The following ADGB variants were observed in gnomAD, a reference collection of about 807,000 sequenced individuals.
The protein encoded by ADGB is calpain-7-like protein.
A neutral mutation model predicts 210.5 loss-of-function variants in ADGB; 172 were observed. That is an observed-to-expected ratio of 0.82 (90% confidence interval 0.72 to 0.93). ADGB has a LOEUF of 0.93. Ranked by LOEUF, ADGB falls within the 40% of genes least tolerant of loss-of-function variation. The pLI is 0.00. For missense variants in ADGB, 2,025 were observed against 1,964.8 expected (o/e 1.03, Z -0.58); for synonymous variants, 658 against 662.7 (o/e 0.99, Z 0.11).
At chr6:146,799,498 C>T (rs1257487450) in intron 33 of ADGB, among the ~76,000 whole-genome samples, 9 of 141,790 alleles carry the variant, frequency 6.3e-5, no homozygotes, top group Non-Finnish European at 3.0e-5. Flanking sequence ...CGCGCCACTG[C>T]ACTCCAGTCT....
intron 28 of ADGB, among the ~76,000 whole-genome samples, chr6:146,768,672 C>A (rs1253770705): frequency 1.3e-5 from 2 of 151,922 alleles, no homozygotes; most frequent in African/African-American, 4.8e-5. Context: ...GTCATGATCA[C>A]AAAGAAGAGA....
At chr6:146,652,442 A>G (rs1775715815) in intron 3 of ADGB, among the ~76,000 whole-genome samples, 2 of 152,124 alleles carry the variant, frequency 1.3e-5, no homozygotes, top group African/African-American at 4.8e-5. Context: ...ACTTTTCAAG[A>G]TGCTGCTTGT....
chr6:146,645,399 T>C (rs1349505853), intron 3 of ADGB, among the ~76,000 whole-genome samples: 1 of 152,060 alleles, frequency 6.6e-6, no homozygotes, highest in Non-Finnish European at 1.5e-5. Flanking sequence ...AAATAGCACT[T>C]ATAGAGATTA....
At chr6:146,689,717 T>A (rs1457782822) in intron 10 of ADGB, among the ~76,000 whole-genome samples, 1 of 152,130 alleles carries the variant, frequency 6.6e-6, no homozygotes, top group Non-Finnish European at 1.5e-5. Context: ...AATGTAACTT[T>A]TACAGTAATT....
intron 2 of ADGB, among the ~76,000 whole-genome samples, chr6:146,640,036 A>G (rs1269970587): frequency 6.6e-6 from 1 of 151,930 alleles, no homozygotes; most frequent in Non-Finnish European, 1.5e-5. Flanking sequence ...AAAGAAAAGA[A>G]AGAATATCCA....
At chr6:146,794,796 CTG>C (rs955677727) in intron 33 of ADGB, among the ~76,000 whole-genome samples, 2 of 152,104 alleles carry the variant, frequency 1.3e-5, no homozygotes, top group Non-Finnish European at 2.9e-5. Flanking sequence ...ATTACTAAAA[CTG>C]AGAACCACAA....
Position 146,801,189 on chromosome 6 carries a change from G to A in ADGB, c.4544G>A (p.Gly1515Glu). Residue 1515 changes from glycine to glutamate, a missense_variant, in exon 34 of 36, where the codon GGA (glycine) becomes GAA (glutamate). Coordinates refer to ENST00000397944, the MANE Select transcript of ADGB (RefSeq NM_024694.4). ...GTGTGTGTTTTTTTTAAAGAAACAG[G>A]ACCTCGTACACGATCTCCAACAATT... ...QSTRKENIQT[G>E]PRTRSPTILE... is the part of the protein sequence containing the mutation. 6.8e-7 allele frequency: 1 copy of A among 1,477,300 alleles called. No homozygotes were observed. The highest frequency in any genetic ancestry group is 1.4e-5 in the African/African-American group (1 of 69,304). 91.5% of individuals were successfully genotyped at this position (1,477,300 alleles called of 1,614,324 possible).
intron 1 of ADGB, among the ~76,000 whole-genome samples, chr6:146,617,776 C>T (rs1780826163): frequency 1.3e-5 from 2 of 152,070 alleles, no homozygotes; most frequent in East Asian, 1.9e-4. Flanking sequence ...ATCCAAGCAT[C>T]CCTGGGCTGA....
intron 35 of ADGB, chr6:146,807,272 TTCATCTTCAA>T (rs1161703721): frequency 5.6e-6 from 5 of 897,852 alleles, no homozygotes. Context: ...TACACTAATT[TTCATCTTCAA>T]TCATTTTGCC....
intron 2 of ADGB, among the ~76,000 whole-genome samples, chr6:146,640,482 T>C (rs1430257576): frequency 1.3e-5 from 2 of 151,846 alleles, no homozygotes; most frequent in Admixed American, 1.3e-4. Context: ...ATCCCAATAT[T>C]CTTGATGAAC....
chr6:146,712,898 A>G lies in ADGB; in HGVS notation c.1708-2484A>G, dbSNP rs12526392. ...AAAGTAAAACTCTATATGCATTTAA[A>G]AGCTTCTGATTCTCCCCTCCCCCCA... On this transcript the variant is annotated intron_variant, in intron 13 of 35. Coordinates refer to ENST00000397944, the MANE Select transcript of ADGB (RefSeq NM_024694.4). Among the ~76,000 whole-genome samples the G allele has an allele frequency of 3.0e-3, 464 of 152,242 alleles. 7 individuals are homozygous for G. The East Asian group carries it at 0.034, about 11-fold the overall frequency.
At chr6:146,609,977 A>G (rs1331835933) in intron 1 of ADGB, among the ~76,000 whole-genome samples, 5 of 152,110 alleles carry the variant, frequency 3.3e-5, no homozygotes, top group Admixed American at 3.3e-4. Flanking sequence ...TTTGGTGACT[A>G]TATAACTTGG....
At chr6:146,691,441 TAA>T (rs1184013363) in intron 11 of ADGB, among the ~76,000 whole-genome samples, 151 bp downstream of exon 11, 6 of 13,526 alleles carry the variant, frequency 4.4e-4, no homozygotes, top group South Asian at 3.8e-3. Flanking sequence ...TATATATATA[TAA>T]AAATATATAT....
intron 1 of ADGB, among the ~76,000 whole-genome samples, chr6:146,627,366 G>A (rs889788135): frequency 6.6e-6 from 1 of 151,870 alleles, no homozygotes; most frequent in South Asian, 2.1e-4. Context: ...TTACCTTACT[G>A]GATGCTGGAT....
chr6:146,799,908 C>T (rs1778100855), intron 33 of ADGB, among the ~76,000 whole-genome samples: 1 of 151,960 alleles, frequency 6.6e-6, no homozygotes, highest in South Asian at 2.1e-4. Flanking sequence ...CGCCCGGGTT[C>T]AAGCGATTCT....
At chr6:146,645,070 T>C (rs1204739485) in intron 3 of ADGB, among the ~76,000 whole-genome samples, 3 of 152,004 alleles carry the variant, frequency 2.0e-5, no homozygotes, top group Admixed American at 6.6e-5. Flanking sequence ...AAGAGATTAT[T>C]GAATTTTTGT....
chr6:146,718,024 C>T (rs1776759278), intron 16 of ADGB, among the ~76,000 whole-genome samples: 1 of 152,064 alleles, frequency 6.6e-6, no homozygotes, highest in Non-Finnish European at 1.5e-5. Flanking sequence ...TCCTTTCATC[C>T]CTGTTATCCT....
At chr6:146,751,280 T>G (rs957481460) in intron 26 of ADGB, among the ~76,000 whole-genome samples, 1 of 152,112 alleles carries the variant, frequency 6.6e-6, no homozygotes, top group Non-Finnish European at 1.5e-5. Context: ...GGCTTCCAGC[T>G]TCGTCTATGT....
At chr6:146,787,812 A>G (rs1336269574) in intron 32 of ADGB, among the ~76,000 whole-genome samples, 4 of 152,166 alleles carry the variant, frequency 2.6e-5, no homozygotes, top group Non-Finnish European at 5.9e-5. Context: ...GTCACCTGCA[A>G]TTGATAAATA....
Sources: gnomAD v4.1 joint callset for allele counts (sites outside exome capture counted in the v4.1 genomes callset) on GRCh38, gnomAD v4.1.1 for gene constraint, MANE v1.5 for transcripts, NCBI Gene and HGNC (gene_info 2026-07-23, HGNC 2026-07-21) for gene names.